The following CTIF variants were observed in gnomAD, a reference collection of about 807,000 sequenced individuals.
The protein encoded by CTIF is cap binding complex dependent translation initiation factor.
In CTIF, 21 loss-of-function variants were observed where a neutral mutation model predicts 66.0. The ratio of observed to expected loss-of-function variants is 0.32; its 90% CI spans 0.23 to 0.46. The LOEUF (loss-of-function observed/expected upper bound fraction) is 0.46, where lower values mean the gene tolerates loss of function less well. Among genes scored for constraint, CTIF ranks in the 20% least tolerant of loss-of-function variants. The probability of loss-of-function intolerance (pLI) is 1.00; values close to 1 mark genes in which losing one functional copy is unlikely to be tolerated. For synonymous variants in CTIF, 345 were observed against 326.4 expected, an observed-to-expected ratio of 1.06 and a Z score of -0.62; for missense variants, 739 against 812.7, an observed-to-expected ratio of 0.91 and a Z score of 1.10.
intron 3 of CTIF, among the ~76,000 whole-genome samples, chr18:48,650,163 G>A (rs1022896654): frequency 1.3e-5 from 2 of 152,234 alleles, no homozygotes; most frequent in East Asian, 1.9e-4. Flanking sequence ...TCAGAAGGTC[G>A]GTAATAACAA....
intron 9 of CTIF, among the ~76,000 whole-genome samples, chr18:48,792,851 T>C (rs1347451778): frequency 2.0e-5 from 3 of 152,038 alleles, no homozygotes; most frequent in African/African-American, 7.2e-5. Flanking sequence ...AATTGTGCAA[T>C]AGGAAGTGGC....
At chr18:48,624,877 T>C (rs923675002) in intron 2 of CTIF, among the ~76,000 whole-genome samples, 2 of 152,208 alleles carry the variant, frequency 1.3e-5, no homozygotes, top group Admixed American at 6.5e-5. Flanking sequence ...AGGGGTCAAA[T>C]TAAGAGCCAG....
At chr18:48,633,337 A>G (rs1178655592) in intron 2 of CTIF, among the ~76,000 whole-genome samples, 1 of 152,232 alleles carries the variant, frequency 6.6e-6, no homozygotes, top group African/African-American at 2.4e-5. Context: ...GATTATAGTT[A>G]CAGTACTTTA....
intron 2 of CTIF, among the ~76,000 whole-genome samples, chr18:48,633,780 G>T (rs79912373): frequency 2.0e-5 from 3 of 151,932 alleles, no homozygotes; most frequent in Non-Finnish European, 4.4e-5. Flanking sequence ...TGTATTTTAC[G>T]TATGTATGAA....
intron 6 of CTIF, 100 bp downstream of exon 6, chr18:48,670,844 T>A: frequency 3.8e-6 from 4 of 1,043,712 alleles, no homozygotes; most frequent in Non-Finnish European, 4.4e-6. Flanking sequence ...TCTGGCTGCT[T>A]GTTCCAGCAA....
At chr18:48,571,892 G>A (rs116201364) in intron 1 of CTIF, among the ~76,000 whole-genome samples, 93 of 152,278 alleles carry the variant, frequency 6.1e-4, no homozygotes, top group African/African-American at 2.1e-3. Context: ...TGTGAGAGCT[G>A]GCAAGTCTGA....
intron 1 of CTIF, among the ~76,000 whole-genome samples, chr18:48,541,089 G>A (rs2088605069): frequency 6.6e-6 from 1 of 152,156 alleles, no homozygotes; most frequent in Non-Finnish European, 1.5e-5. Flanking sequence ...ACCCCGCACC[G>A]AGGCGTTCTA....
At chr18:48,832,320 C>T (rs2068710984) in intron 10 of CTIF, among the ~76,000 whole-genome samples, 1 of 152,078 alleles carries the variant, frequency 6.6e-6, no homozygotes, top group African/African-American at 2.4e-5. Flanking sequence ...TCCAGGTGTG[C>T]ACCACCACCC....
chr18:48,862,173 C>G lies in CTIF; in HGVS notation c.*2614C>G, dbSNP rs1321545263. 6.6e-6 allele frequency: 1 copy of G among 152,224 alleles called. No individual in the cohort carries two copies. Among genetic ancestry groups the G allele is most frequent in the Non-Finnish European group, 1.5e-5 (1 of 68,050 alleles). 9.4% of individuals were successfully genotyped at this position (152,224 alleles called of 1,614,324 possible). ...GTGGATGCCCCACAGACCCTGGCCC[C>G]CTCCCCAAGTCCATCCCCTCTCTGT... On this transcript the variant is annotated 3_prime_UTR_variant, in exon 12 of 12. Transcript: ENST00000256413.
At chr18:48,795,403 T>A (rs1013171876) in intron 9 of CTIF, among the ~76,000 whole-genome samples, 16 of 152,230 alleles carry the variant, frequency 1.1e-4, no homozygotes, top group African/African-American at 1.4e-4. Context: ...GGCCATCTCA[T>A]GGGCTACCAC....
chr18:48,747,960 CAAAAA>C (rs960711890), intron 7 of CTIF, among the ~76,000 whole-genome samples: 1 of 150,360 alleles, frequency 6.7e-6, no homozygotes, highest in Non-Finnish European at 1.5e-5. Context: ...TATTATTTAA[CAAAAA>C]AAAGGAGGTT....
At chr18:48,732,852 A>G (rs1167910995) in intron 7 of CTIF, among the ~76,000 whole-genome samples, 1 of 152,202 alleles carries the variant, frequency 6.6e-6, no homozygotes, top group East Asian at 1.9e-4. Context: ...GAGGAGGCAC[A>G]TGTCACTGAT....
Position 48,834,927 on chromosome 18 carries a change from G to A in CTIF, c.1527+17551G>A, listed in dbSNP as rs181145983. ...TGAGCCTTCCTCGTGCTGTCAGTTC[G>A]CTCCCTTCTGACCACTCCAACCTGC... On this transcript the variant is annotated intron_variant, in intron 10 of 11. Transcript: ENST00000256413. Among the ~76,000 whole-genome samples, 308 of 152,298 alleles carry A rather than the reference G, an allele frequency of 2.0e-3. 1 individual carries two copies. Among genetic ancestry groups the A allele is most frequent in the Admixed American group, 7.5e-3 (115 of 15,310 alleles).
intron 1 of CTIF, among the ~76,000 whole-genome samples, chr18:48,546,944 G>T (rs1444711199): frequency 6.6e-6 from 1 of 152,218 alleles, no homozygotes; most frequent in African/African-American, 2.4e-5. Context: ...AGGCCCTCAA[G>T]AGAGAAATTA....
chr18:48,617,902 A>C lies in CTIF; in HGVS notation c.-28-1636A>C, dbSNP rs538630596. 3.3e-5 allele frequency among the ~76,000 whole-genome samples: 5 copies of C among 152,294 alleles called. No homozygotes were observed. In the South Asian group the frequency reaches 1.0e-3, roughly 32 times the overall value. On this transcript the variant is annotated intron_variant, in intron 1 of 11. Transcript: ENST00000256413. ...AGAGCGAGGCCCTGCAGCACCTCAG[A>C]GCTCCCTGCAGCAGGCCTGGGGTCC...
chr18:48,854,203 G>A (rs1017330252), intron 10 of CTIF, among the ~76,000 whole-genome samples: 6 of 152,034 alleles, frequency 3.9e-5, no homozygotes, highest in African/African-American at 9.7e-5. Flanking sequence ...GAATGTGCAT[G>A]GGGGGGAAAG....
chr18:48,735,024 A>G (rs2145697892), intron 7 of CTIF, among the ~76,000 whole-genome samples: 1 of 152,286 alleles, frequency 6.6e-6, no homozygotes, highest in Non-Finnish European at 1.5e-5. Context: ...GCATGTGTGC[A>G]ATATGTGTAC....
At chr18:48,596,268 T>A (rs945308817) in intron 1 of CTIF, among the ~76,000 whole-genome samples, 1 of 152,220 alleles carries the variant, frequency 6.6e-6, no homozygotes. Flanking sequence ...GTGTGAGGGC[T>A]CTGTGATCAC....
At chr18:48,827,860 A>C (rs1006230533) in intron 10 of CTIF, among the ~76,000 whole-genome samples, 2 of 152,092 alleles carry the variant, frequency 1.3e-5, no homozygotes, top group African/African-American at 4.8e-5. Flanking sequence ...ACACACAGTG[A>C]AGTTAACTCA....
Sources: gnomAD v4.1 joint callset for allele counts (sites outside exome capture counted in the v4.1 genomes callset) on GRCh38, gnomAD v4.1.1 for gene constraint, MANE v1.5 for transcripts, NCBI Gene and HGNC (gene_info 2026-07-23, HGNC 2026-07-21) for gene names.